CELF2: variants seen among roughly 807,000 people sequenced by gnomAD.
CELF2 encodes the protein CUGBP Elav-like family member 2.
A neutral mutation model predicts 62.6 loss-of-function variants in CELF2; 8 were observed. The ratio of observed to expected loss-of-function variants is 0.13; its 90% CI spans 0.07 to 0.23. The LOEUF (loss-of-function observed/expected upper bound fraction) is 0.23, where lower values mean the gene tolerates loss of function less well. Ranked by LOEUF, CELF2 falls within the 10% of genes least tolerant of loss-of-function variation. The pLI is 1.00. For synonymous variants in CELF2, 258 were observed against 250.0 expected (o/e 1.03, Z -0.30); for missense variants, 333 against 671.0 (o/e 0.50, Z 5.56).
chr10:10,556,194 C>A, the CELF2 span, among the ~76,000 whole-genome samples: 2 of 152,042 alleles, frequency 1.3e-5, no homozygotes, highest in African/African-American at 4.8e-5. Context: ...CCCCCCACCA[C>A]ATCACAGTCC....
At position 11,227,086 on chromosome 10, in the gene CELF2, T is replaced by G. The variant is rs1330457963; in HGVS notation, c.354+9579T>G. 1.3e-5 allele frequency among the ~76,000 whole-genome samples: 2 copies of G among 152,144 alleles called. No individual in the cohort carries two copies. Among genetic ancestry groups the G allele is most frequent in the African/African-American group, 4.8e-5 (2 of 41,422 alleles). On this transcript the variant is annotated intron_variant, in intron 3 of 12. Coordinates refer to ENST00000633077, the MANE Select transcript of CELF2 (RefSeq NM_001326342.2). This position sits in a 1 kb window ranked among gnomAD's most constrained non-coding sequence, Gnocchi z 4.8. ...CTCACCCTGGAAGAGTGAGCAGGAC[T>G]CTGTTACCTGCAACCCCAAGCTTTA...
the CELF2 span, among the ~76,000 whole-genome samples, chr10:10,671,037 TGTACCTGCAGGCCCA>T: frequency 2.6e-5 from 4 of 151,874 alleles, no homozygotes; most frequent in Admixed American, 1.3e-4. Context: ...CACGGTGGCA[TGTACCTGCAGGCCCA>T]GTCACTTGCG....
At chr10:11,053,355 C>T (rs1445613274) in intron 1 of CELF2, among the ~76,000 whole-genome samples, 2 of 152,168 alleles carry the variant, frequency 1.3e-5, no homozygotes, top group African/African-American at 2.4e-5. Context: ...GTGCATGAAT[C>T]CTCTGCTTCC....
At chr10:11,238,792 G>A (rs767216895) in intron 3 of CELF2, among the ~76,000 whole-genome samples, 25 of 152,122 alleles carry the variant, frequency 1.6e-4, no homozygotes, top group South Asian at 2.1e-4. Flanking sequence ...TTCTGAAAGC[G>A]GCACACTCAC....
chr10:10,887,587 G>A (rs1287528013), intron 1 of CELF2, among the ~76,000 whole-genome samples: 1 of 152,116 alleles, frequency 6.6e-6, no homozygotes, highest in Non-Finnish European at 1.5e-5. Flanking sequence ...CTGTTCGGCT[G>A]TTGGTCTATT....
chr10:10,512,823 G>A, the CELF2 span, among the ~76,000 whole-genome samples: 16 of 152,202 alleles, frequency 1.1e-4, no homozygotes, highest in African/African-American at 3.4e-4. Context: ...ACTGAATTTC[G>A]TTTGGCATCA....
At chr10:10,476,987 C>A in the CELF2 span, among the ~76,000 whole-genome samples, 1 of 152,048 alleles carries the variant, frequency 6.6e-6, no homozygotes, top group Non-Finnish European at 1.5e-5. Context: ...TGAAATTATT[C>A]TTATGTAAAA....
the CELF2 span, among the ~76,000 whole-genome samples, chr10:10,780,121 G>A: frequency 3.3e-5 from 5 of 152,212 alleles, no homozygotes; most frequent in African/African-American, 1.2e-4. Context: ...TTTTTCCTAA[G>A]AGGAATAGTC....
intron 1 of CELF2, among the ~76,000 whole-genome samples, chr10:10,814,803 A>G (rs1345375928): frequency 6.6e-6 from 1 of 152,164 alleles, no homozygotes; most frequent in Non-Finnish European, 1.5e-5. Context: ...ATTATGCAAC[A>G]TGAGATGGGA....
chr10:10,980,844 C>T (rs1351065600), intron 2 of CELF2, among the ~76,000 whole-genome samples: 1 of 152,192 alleles, frequency 6.6e-6, no homozygotes, highest in Non-Finnish European at 1.5e-5. Flanking sequence ...TGCTCTTGAG[C>T]TCCTGGTCTC....
the CELF2 span, among the ~76,000 whole-genome samples, chr10:10,691,376 T>C: frequency 6.7e-6 from 1 of 148,274 alleles, no homozygotes; most frequent in Admixed American, 6.7e-5. Flanking sequence ...ATGGTGTATA[T>C]GTGCCACATT....
the CELF2 span, among the ~76,000 whole-genome samples, chr10:10,758,437 GC>G: frequency 6.6e-6 from 1 of 152,174 alleles, no homozygotes; most frequent in Non-Finnish European, 1.5e-5. Flanking sequence ...AGGAATATGG[GC>G]CTGTGAAATG....
rs116661451 is a variant in CELF2, at chr10:11,134,900, G to A, written c.75-30586G>A. Among the ~76,000 whole-genome samples the A allele has an allele frequency of 7.3e-3, 1,112 of 152,294 alleles. 15 individuals are homozygous for A. Among genetic ancestry groups the A allele is most frequent in the African/African-American group, 0.026 (1,061 of 41,558 alleles). ...TCTGATTGAAACACTTTTCTTTTCT[G>A]TAATTGAAATAGCTGTGGCCGCTGG... On this transcript the variant is annotated intron_variant, in intron 1 of 12. Transcript: ENST00000633077.
the CELF2 span, among the ~76,000 whole-genome samples, chr10:10,697,245 GC>G: frequency 1.4e-4 from 21 of 152,142 alleles, no homozygotes; most frequent in Non-Finnish European, 2.6e-4. Context: ...GGTGGGAATT[GC>G]CAGCATGGTA....
intron 1 of CELF2, among the ~76,000 whole-genome samples, chr10:11,031,795 A>G (rs766935359): frequency 2.0e-4 from 31 of 152,192 alleles, no homozygotes; most frequent in Non-Finnish European, 4.0e-4. Flanking sequence ...CAGAAATCAG[A>G]CTGTAAGGCC....
At chr10:11,130,612 C>T (rs1296065172) in intron 1 of CELF2, among the ~76,000 whole-genome samples, 2 of 152,152 alleles carry the variant, frequency 1.3e-5, no homozygotes, top group Admixed American at 6.5e-5. Flanking sequence ...CCATTTCTAA[C>T]CAGATGACAC....
At chr10:10,621,633 A>G in the CELF2 span, among the ~76,000 whole-genome samples, 13 of 152,296 alleles carry the variant, frequency 8.5e-5, no homozygotes, top group African/African-American at 3.1e-4. Context: ...AGGAAACAGG[A>G]ATTATTGTTA....
chr10:10,993,802 G>A lies in CELF2; in HGVS notation c.89+73803G>A, dbSNP rs1008373583. On this transcript the variant is annotated intron_variant, in intron 2 of 13. Coordinates refer to the CELF2 transcript ENST00000636488. This position sits in a 1 kb window ranked among gnomAD's most constrained non-coding sequence, Gnocchi z 5.3. Reference sequence around the variant, plus strand: ...GTTGAAGTCCTAACCCTGGTACCTGGGAATGTGATTGTATTTGGAGATAGA... The same window carrying A: ...GTTGAAGTCCTAACCCTGGTACCTGAGAATGTGATTGTATTTGGAGATAGA... Among the ~76,000 whole-genome samples the A allele has an allele frequency of 6.6e-6, 1 of 152,142 alleles. No homozygotes were observed. The highest frequency in any genetic ancestry group is 2.1e-4 in the South Asian group (1 of 4,824).
the CELF2 span, among the ~76,000 whole-genome samples, chr10:10,682,894 A>G: frequency 1.3e-5 from 2 of 152,092 alleles, no homozygotes; most frequent in African/African-American, 2.4e-5. Flanking sequence ...ACTGAATTCT[A>G]TGGGTCTGTT....
Sources: gnomAD v4.1 joint callset for allele counts (sites outside exome capture counted in the v4.1 genomes callset) on GRCh38, gnomAD v4.1.1 for gene constraint, Gnocchi (gnomAD v3.1) non-coding constraint, MANE v1.5 for transcripts, NCBI Gene and HGNC (gene_info 2026-07-23, HGNC 2026-07-21) for gene names.